The following PRP4K variants were observed in gnomAD, a reference collection of about 807,000 sequenced individuals.
The protein encoded by PRP4K is serine/threonine-protein kinase PRP4 homolog.
At chr6:4,035,457 T>A in the PRP4K span, among the ~76,000 whole-genome samples, 1 of 152,042 alleles carries the variant, frequency 6.6e-6, no homozygotes, top group Admixed American at 6.6e-5. Context: ...CATTTATATT[T>A]TTTAACTGGT....
chr6:4,048,994 C>G, the PRP4K span: 2 of 1,584,708 alleles, frequency 1.3e-6, no homozygotes, highest in South Asian at 1.1e-5. Context: ...GTAAACTGTT[C>G]ATGTTGCCTC....
chr6:4,024,499 C>A, the PRP4K span, among the ~76,000 whole-genome samples: 1 of 151,796 alleles, frequency 6.6e-6, no homozygotes, highest in African/African-American at 2.4e-5. Context: ...AGTCAGTTCT[C>A]TGTGTCTCTG....
chr6:4,060,380 T>C, the PRP4K span: 262 of 1,583,522 alleles, frequency 1.7e-4, 1 homozygote, highest in African/African-American at 3.3e-3. This position sits in a 1 kb window ranked among gnomAD's most constrained non-coding sequence, Gnocchi z 4.7. Context: ...TAGTAACTTA[T>C]TTAGAGATAC....
At chr6:4,053,198 T>A in the PRP4K span, among the ~76,000 whole-genome samples, 1 of 152,186 alleles carries the variant, frequency 6.6e-6, no homozygotes, top group East Asian at 1.9e-4. Context: ...CACATGTTGC[T>A]GTTTTGAAAT....
At chr6:4,031,472 G>T in the PRP4K span, 1 of 1,033,744 alleles carries the variant, frequency 9.7e-7, no homozygotes, top group Admixed American at 2.9e-5. Context: ...ACATTGAGAT[G>T]TATTTTCTCA....
the PRP4K span, among the ~76,000 whole-genome samples, chr6:4,041,845 G>A: frequency 9.9e-5 from 15 of 152,206 alleles, no homozygotes; most frequent in Admixed American, 4.6e-4. Context: ...TGGGAGAAGG[G>A]CATTCTACAT....
the PRP4K span, among the ~76,000 whole-genome samples, chr6:4,036,780 A>C: frequency 2.0e-5 from 3 of 151,926 alleles, no homozygotes; most frequent in Non-Finnish European, 4.4e-5. Flanking sequence ...TGAGGCCAGG[A>C]GTTCGAGACC....
the PRP4K span, chr6:4,040,686 C>G: frequency 7.4e-7 from 1 of 1,344,232 alleles, no homozygotes; most frequent in Non-Finnish European, 1.0e-6. Context: ...AGTAGAATTT[C>G]TATATATCCC....
chr6:4,057,203 G>A, the PRP4K span: 3 of 1,605,010 alleles, frequency 1.9e-6, no homozygotes, highest in Non-Finnish European at 2.6e-6. Context: ...ACATTAGCAT[G>A]AGCTTCTTTA....
At chr6:4,059,493 T>G in the PRP4K span, among the ~76,000 whole-genome samples, 1 of 152,248 alleles carries the variant, frequency 6.6e-6, no homozygotes, top group African/African-American at 2.4e-5. Context: ...ATAGCATATG[T>G]CCCTGTCTTT....
chr6:4,030,827 G>A, the PRP4K span, among the ~76,000 whole-genome samples: 7 of 152,252 alleles, frequency 4.6e-5, no homozygotes, highest in South Asian at 4.2e-4. Flanking sequence ...GCCTAATGTC[G>A]TATGATTGCT....
chr6:4,059,556 C>T, the PRP4K span, among the ~76,000 whole-genome samples: 4 of 152,196 alleles, frequency 2.6e-5, no homozygotes, highest in Non-Finnish European at 5.9e-5. Flanking sequence ...ATGTCTGTCA[C>T]TTACCACTTC....
the PRP4K span, chr6:4,021,529 C>T: frequency 1.9e-6 from 3 of 1,551,220 alleles, no homozygotes; most frequent in Non-Finnish European, 2.6e-6. Context: ...GGGAGCTGCA[C>T]GGGGTGGCGG....
At chr6:4,048,702 G>C in the PRP4K span, among the ~76,000 whole-genome samples, 1 of 151,906 alleles carries the variant, frequency 6.6e-6, no homozygotes, top group Non-Finnish European at 1.5e-5. Flanking sequence ...CAAGGAGCTG[G>C]GGCTACAAAC....
At chr6:4,032,039 G>C in the PRP4K span, 1 of 1,613,918 alleles carries the variant, frequency 6.2e-7, no homozygotes, top group Non-Finnish European at 8.5e-7. Flanking sequence ...TTGAACTTGT[G>C]GACAATAAAA....
chr6:4,042,078 G>T, the PRP4K span, among the ~76,000 whole-genome samples: 1 of 152,174 alleles, frequency 6.6e-6, no homozygotes, highest in Non-Finnish European at 1.5e-5. Context: ...GGAAGTACGG[G>T]TATAGCTTTC....
At chr6:4,045,776 T>C in the PRP4K span, among the ~76,000 whole-genome samples, 1 of 152,220 alleles carries the variant, frequency 6.6e-6, no homozygotes, top group African/African-American at 2.4e-5. Flanking sequence ...TTCTAAGTTG[T>C]ATAGGCACAA....
the PRP4K span, among the ~76,000 whole-genome samples, chr6:4,051,209 C>T: frequency 6.6e-6 from 1 of 152,004 alleles, no homozygotes; most frequent in Non-Finnish European, 1.5e-5. Context: ...TGCACCTGGC[C>T]CATTACTGCA....
At chr6:4,039,779 C>T in the PRP4K span, among the ~76,000 whole-genome samples, 1 of 152,050 alleles carries the variant, frequency 6.6e-6, no homozygotes, top group Non-Finnish European at 1.5e-5. Context: ...TTATTCTCAT[C>T]TCTGCTATCA....
Sources: gnomAD v4.1 joint callset for allele counts (sites outside exome capture counted in the v4.1 genomes callset) on GRCh38, gnomAD v4.1.1 for gene constraint, Gnocchi (gnomAD v3.1) non-coding constraint, MANE v1.5 for transcripts, NCBI Gene and HGNC (gene_info 2026-07-23, HGNC 2026-07-21) for gene names.